Variants in NECAB1 observed in about 807,000 individuals in gnomAD.
NECAB1 encodes N-terminal EF-hand calcium-binding protein 1.
In NECAB1, 29 loss-of-function variants were observed where a neutral mutation model predicts 57.5. The observed-to-expected ratio is 0.50, with a 90% CI of 0.38 to 0.69. The LOEUF (loss-of-function observed/expected upper bound fraction) is 0.69. Ranked by LOEUF, NECAB1 falls within the 30% of genes least tolerant of loss-of-function variation. The pLI is 0.00. For synonymous variants in NECAB1, 142 were observed against 147.7 expected (o/e 0.96, Z 0.28); for missense variants, 372 against 413.8 (o/e 0.90, Z 0.88).
At chr8:90,901,161 A>G (rs1313685560) in intron 5 of NECAB1, among the ~76,000 whole-genome samples, 4 of 152,164 alleles carry the variant, frequency 2.6e-5, no homozygotes, top group African/African-American at 9.6e-5. Flanking sequence ...AGGCTTTGAT[A>G]AATCTTTTCC....
At chr8:90,888,705 T>G (rs1437162078) in intron 5 of NECAB1, among the ~76,000 whole-genome samples, 3 of 152,226 alleles carry the variant, frequency 2.0e-5, no homozygotes, top group Non-Finnish European at 4.4e-5. Context: ...TCCAAAAGAA[T>G]GTACTTTCAA....
intron 5 of NECAB1, among the ~76,000 whole-genome samples, chr8:90,881,585 CT>C (rs775706129): frequency 6.6e-6 from 1 of 152,170 alleles, no homozygotes; most frequent in African/African-American, 2.4e-5. Context: ...TCCTCCGCCC[CT>C]CTCCTTCCTC....
chr8:90,913,838 T>C (rs567536180), intron 5 of NECAB1, among the ~76,000 whole-genome samples: 7 of 152,278 alleles, frequency 4.6e-5, no homozygotes, highest in Admixed American at 2.6e-4. Flanking sequence ...GTCTCAAACC[T>C]TGAGATCCAG....
intron 3 of NECAB1, chr8:90,859,345 A>G (rs1317922822): frequency 2.0e-5 from 3 of 152,160 alleles, no homozygotes; most frequent in African/African-American, 7.2e-5. Flanking sequence ...AACAACGAGT[A>G]TTGCTAGGGA....
intron 4 of NECAB1, 175 bp downstream of exon 4, chr8:90,872,328 T>C: frequency 1.9e-6 from 1 of 514,654 alleles, no homozygotes; most frequent in Non-Finnish European, 3.4e-6. Flanking sequence ...CAAGTATGTA[T>C]TTCACTCCAG....
chr8:90,900,298 A>G (rs1809469667), intron 5 of NECAB1, among the ~76,000 whole-genome samples: 1 of 152,194 alleles, frequency 6.6e-6, no homozygotes, highest in Admixed American at 6.5e-5. Flanking sequence ...TTTTGAGGCC[A>G]GAAAGTAACA....
At position 90,836,525 on chromosome 8, in the gene NECAB1, T is replaced by G. The variant is rs191005186; in HGVS notation, c.233+11700T>G. Among the ~76,000 whole-genome samples, 580 of 152,310 alleles carry G rather than the reference T, an allele frequency of 3.8e-3. 2 individuals are homozygous for G. Among genetic ancestry groups the G allele is most frequent in the African/African-American group, 0.013 (526 of 41,568 alleles). On this transcript the variant is annotated intron_variant, in intron 3 of 12. Transcript: ENST00000417640. ...AGAATAATTAGAAATCTACCTGTGG[T>G]GGGCCATAGGGTTTTATCATTTACA...
At chr8:90,821,871 C>T (rs1428877631) in intron 2 of NECAB1, among the ~76,000 whole-genome samples, 2 of 151,752 alleles carry the variant, frequency 1.3e-5, no homozygotes, top group Admixed American at 6.6e-5. Flanking sequence ...AAGTGCCCTA[C>T]TAGCAAATGG....
intron 5 of NECAB1, among the ~76,000 whole-genome samples, chr8:90,912,827 A>G (rs1376252976): frequency 6.6e-6 from 1 of 152,218 alleles, no homozygotes; most frequent in Non-Finnish European, 1.5e-5. Context: ...TTTAAAAAGT[A>G]ATAATTGTGG....
intron 6 of NECAB1, among the ~76,000 whole-genome samples, chr8:90,924,519 G>A (rs1274040614): frequency 6.6e-6 from 1 of 152,128 alleles, no homozygotes; most frequent in Non-Finnish European, 1.5e-5. Flanking sequence ...TTACACACAA[G>A]GGATTATATC....
chr8:90,932,496 T>C (rs546948818), intron 8 of NECAB1, among the ~76,000 whole-genome samples: 70 of 152,228 alleles, frequency 4.6e-4, no homozygotes, highest in African/African-American at 1.7e-3. Context: ...ATAATACAGA[T>C]AGGGGGTTGA....
At chr8:90,925,438 C>A in intron 6 of NECAB1, 97 bp from the exon 7 acceptor site, 1 of 1,392,792 alleles carries the variant, frequency 7.2e-7, no homozygotes, top group Non-Finnish European at 9.8e-7. Flanking sequence ...TTTTGCTGCA[C>A]TAGAAAACCT....
chr8:90,836,930 C>T (rs1385273380), intron 3 of NECAB1, among the ~76,000 whole-genome samples: 2 of 152,204 alleles, frequency 1.3e-5, no homozygotes, highest in Non-Finnish European at 2.9e-5. Flanking sequence ...GGCAATGGCT[C>T]ATATTTACTA....
intron 2 of NECAB1, among the ~76,000 whole-genome samples, chr8:90,808,465 G>A (rs1006621819): frequency 1.5e-4 from 23 of 152,068 alleles, no homozygotes; most frequent in Admixed American, 2.0e-4. Flanking sequence ...TGCAATTTGG[G>A]TAACTTAATT....
At position 90,806,183 on chromosome 8, in the gene NECAB1, G is replaced by A. The variant is rs563570346; in HGVS notation, c.124+4468G>A. 6.6e-5 allele frequency among the ~76,000 whole-genome samples: 10 copies of A among 152,270 alleles called. No homozygotes were observed. The South Asian group carries it at 8.3e-4, about 13-fold the overall frequency. Reference sequence around the variant, plus strand: ...TGCTATCATTCTTGATCAGTAAGTAGGAAGGCTATATGGGTGGCACAATTG... The same window carrying A: ...TGCTATCATTCTTGATCAGTAAGTAAGAAGGCTATATGGGTGGCACAATTG... On this transcript the variant is annotated intron_variant, in intron 2 of 12. Transcript: ENST00000417640.
intron 1 of NECAB1, among the ~76,000 whole-genome samples, chr8:90,795,113 A>C (rs1359237147): frequency 2.0e-5 from 3 of 152,160 alleles, no homozygotes; most frequent in African/African-American, 7.2e-5. Context: ...ATGGACTATC[A>C]TTTCCCCAGT....
chr8:90,914,804 C>A (rs186640871), intron 5 of NECAB1, among the ~76,000 whole-genome samples: 76 of 152,278 alleles, frequency 5.0e-4, no homozygotes, highest in Non-Finnish European at 9.8e-4. Flanking sequence ...ATCACAATAG[C>A]AAATGCAATA....
intron 1 of NECAB1, among the ~76,000 whole-genome samples, chr8:90,793,610 C>T (rs1239330588): frequency 6.6e-6 from 1 of 152,114 alleles, no homozygotes; most frequent in Non-Finnish European, 1.5e-5. Context: ...CACAACATGC[C>T]TGAAAAGTCA....
chr8:90,880,516 T>C (rs1478497489), intron 4 of NECAB1, among the ~76,000 whole-genome samples: 1 of 143,240 alleles, frequency 7.0e-6, no homozygotes. Context: ...TTACTTTTTC[T>C]CTGCCCAAAT....
Sources: allele counts gnomAD v4.1 joint callset (sites outside exome capture counted in the v4.1 genomes callset), GRCh38; gene constraint gnomAD v4.1.1; transcripts MANE v1.5; gene names NCBI Gene and HGNC (gene_info 2026-07-23, HGNC 2026-07-21).